The following LRRK2 variants were observed in gnomAD, a reference collection of about 807,000 sequenced individuals.
LRRK2 encodes the protein leucine rich repeat kinase 2.
Under a neutral mutation model 302.6 loss-of-function variants are expected in LRRK2, and 203 were observed. That is an observed-to-expected ratio of 0.67 (90% CI 0.60 to 0.75). The LOEUF (loss-of-function observed/expected upper bound fraction) is 0.75. Ranked by LOEUF, LRRK2 falls within the 30% of genes least tolerant of loss-of-function variation. The pLI is 0.00. For missense variants in LRRK2, 2,830 were observed against 2,951.0 expected (o/e 0.96, Z 0.95); for synonymous variants, 1,066 against 1,031.9 (o/e 1.03, Z -0.63).
At chr12:40,241,530 G>A (rs1040683013) in intron 6 of LRRK2, among the ~76,000 whole-genome samples, 13 of 152,082 alleles carry the variant, frequency 8.5e-5, no homozygotes, top group African/African-American at 3.1e-4. Context: ...TGTATTTTAT[G>A]TATTACTTGT....
intron 49 of LRRK2, chr12:40,365,337 G>A (rs1946844089): frequency 6.3e-6 from 2 of 315,642 alleles, no homozygotes; most frequent in Non-Finnish European, 1.2e-5. Context: ...GGAAATACAT[G>A]GTATTGAATA....
At chr12:40,231,793 T>TTATA (rs199832313) in intron 2 of LRRK2, among the ~76,000 whole-genome samples, 7 of 146,576 alleles carry the variant, frequency 4.8e-5, no homozygotes, top group Admixed American at 1.4e-4. Flanking sequence ...ATAAATTAAA[T>TTATA]TATATATATA....
chr12:40,235,803 T>TG (rs1486533914), intron 4 of LRRK2, 89 bp downstream of exon 4: 2 of 775,278 alleles, frequency 2.6e-6, no homozygotes, highest in Admixed American at 2.4e-5. Flanking sequence ...GTTTTTTTTT[T>TG]TTTTTTTTTG....
At chr12:40,241,783 G>C (rs1160050681) in intron 6 of LRRK2, among the ~76,000 whole-genome samples, 1 of 152,178 alleles carries the variant, frequency 6.6e-6, no homozygotes, top group African/African-American at 2.4e-5. Context: ...TTCGGTGTAG[G>C]CAGAGTAAAA....
In LRRK2 at chr12:40,328,388, A is replaced by T. The variant is rs761749465; in HGVS notation, c.5685A>T (p.Arg1895=). The part of the protein sequence containing the change: ...LGDGSFGSVY[R]AAYEGEEVAV... The stretch of plus-strand genomic sequence containing the variant: ...ATGGCAGTTTTGGATCAGTTTACCG[A>T]GCAGCCTATGAAGGAGAAGAAGTGG... Residue 1895 remains arginine (R), a synonymous_variant, in exon 39 of 51, where the codon CGA becomes CGT. Transcript: ENST00000298910. 1 of 1,613,860 alleles carries T rather than the reference A, an allele frequency of 6.2e-7. No individual in the cohort carries two copies. Among genetic ancestry groups the T allele is most frequent in the South Asian group, 1.1e-5 (1 of 91,060 alleles).
intron 14 of LRRK2, 50 bp from the exon 15 acceptor site, chr12:40,274,533 G>A (rs1447998019): frequency 6.3e-7 from 1 of 1,586,172 alleles, no homozygotes; most frequent in Non-Finnish European, 8.6e-7. Flanking sequence ...TCTTAACTAA[G>A]GTAAGTATTA....
chr12:40,350,299 C>T (rs2136988723), intron 43 of LRRK2, among the ~76,000 whole-genome samples: 2 of 152,310 alleles, frequency 1.3e-5, no homozygotes, highest in African/African-American at 4.8e-5. Flanking sequence ...CTCACTTTGT[C>T]TTGGCAGACA....
intron 25 of LRRK2, chr12:40,300,831 T>C (rs1158850891): frequency 4.2e-6 from 2 of 471,084 alleles, no homozygotes; most frequent in African/African-American, 4.0e-5. Context: ...TGCTCTGTGG[T>C]ACCTCAGGGG....
At chr12:40,232,456 C>T (rs1443606508) in intron 3 of LRRK2, 73 bp downstream of exon 3, 2 of 1,087,184 alleles carry the variant, frequency 1.8e-6, no homozygotes, top group South Asian at 2.5e-5. Context: ...TCCCTTGATA[C>T]ACTGTGTTTG....
At chr12:40,234,308 A>G (rs1941337156) in intron 3 of LRRK2, among the ~76,000 whole-genome samples, 1 of 151,850 alleles carries the variant, frequency 6.6e-6, no homozygotes, top group Non-Finnish European at 1.5e-5. Context: ...TTTGGGATTA[A>G]TAACATAGGG....
Position 40,277,960 on chromosome 12 carries a change from G to A in LRRK2, c.2014G>A (p.Asp672Asn), listed in dbSNP as rs1298075542. ...TAAGCTGCTGGTGCATCATTCATTT[G>A]ACTTAGTAATATTCCATCAAATGTC... ...FSKLLVHHSF[D>N]LVIFHQMSSN... Residue 672 changes from aspartate (D) to asparagine (N), a missense_variant, in exon 17 of 51, where the codon GAC (aspartate) becomes AAC (asparagine). Asp to Asn is a conservative substitution (Grantham distance 23). Around this residue, in one of 3 missense-constraint regions of LRRK2, gnomAD observed 2,121 missense variants for 2,148.0 expected, o/e 0.99. Transcript: ENST00000298910. 6.2e-7 allele frequency: 1 copy of A among 1,613,218 alleles called. No individual in the cohort carries two copies. The highest frequency in any genetic ancestry group is 1.1e-5 in the South Asian group (1 of 91,036).
intron 5 of LRRK2, 119 bp downstream of exon 5, chr12:40,238,222 G>A: frequency 9.6e-7 from 1 of 1,038,456 alleles, no homozygotes; most frequent in Non-Finnish European, 1.4e-6. Context: ...TTATTAAGAA[G>A]TGGGAGTTGT....
chr12:40,261,131 C>T (rs777643415), intron 13 of LRRK2, among the ~76,000 whole-genome samples: 11 of 151,948 alleles, frequency 7.2e-5, no homozygotes, highest in East Asian at 1.9e-4. Flanking sequence ...AGTTTTGAGA[C>T]GTAATGTAAC....
chr12:40,320,011 T>C lies in LRRK2; in HGVS notation c.4851T>C (p.Gly1617=). ...AGATTTTGACAGTGAAAGTGGAAGG[T>C]TGTCCAAAACACCCTAAGGGCATTA... The part of the protein sequence containing the change: ...MAQILTVKVE[G]CPKHPKGIIS... The change falls in exon 34 of 51, where the codon GGT becomes GGC. Residue 1617 remains glycine, a synonymous_variant. Transcript: ENST00000298910. 6.2e-7 allele frequency: 1 copy of C among 1,610,140 alleles called. No individual in the cohort carries two copies. Among genetic ancestry groups the C allele is most frequent in the Non-Finnish European group, 8.5e-7 (1 of 1,177,956 alleles).
At chr12:40,359,841 G>T (rs376390134) in intron 47 of LRRK2, among the ~76,000 whole-genome samples, 10 of 152,222 alleles carry the variant, frequency 6.6e-5, no homozygotes, top group African/African-American at 2.2e-4. Flanking sequence ...ATTGATTGTA[G>T]GAAAGATAGA....
intron 1 of LRRK2, 70 bp from the exon 2 acceptor site, chr12:40,225,485 C>A: frequency 7.0e-7 from 1 of 1,421,148 alleles, no homozygotes; most frequent in Non-Finnish European, 9.9e-7. Context: ...CTCCCCGTTT[C>A]AGACTAAAAA....
chr12:40,322,422 G>C lies in LRRK2; in HGVS notation c.5421G>C (p.Leu1807=), dbSNP rs1010857088. The change falls in exon 37 of 51, where the codon CTG becomes CTC. Residue 1807 remains leucine (L), a synonymous_variant. Coordinates refer to ENST00000298910, the MANE Select transcript of LRRK2 (RefSeq NM_198578.4). The stretch of plus-strand genomic sequence containing the variant: ...ATATTTGTGGTGAAGGAGAAACTCT[G>C]TTGAAGAAATGGGCATTATATAGTT... ...EIDICGEGET[L]LKKWALYSFN... The C allele has an allele frequency of 5.6e-6, 9 of 1,613,368 alleles. No homozygotes were observed. Among genetic ancestry groups the C allele is most frequent in the African/African-American group, 1.3e-5 (1 of 74,972 alleles).
At chr12:40,307,759 G>T (rs1211107280) in intron 28 of LRRK2, among the ~76,000 whole-genome samples, 3 of 147,564 alleles carry the variant, frequency 2.0e-5, no homozygotes, top group Non-Finnish European at 4.5e-5. Context: ...TAATTTATAG[G>T]GTTTTTCTTT....
Position 40,322,501 on chromosome 12 carries a change from G to T in LRRK2, c.5500G>T (p.Ala1834Ser). Residue 1834 changes from alanine to serine, a missense_variant, in exon 37 of 51, where the codon GCA (alanine) becomes TCA (serine). Physicochemically the swap from Ala to Ser is moderately conservative, Grantham distance 99. Around this residue, in one of 3 missense-constraint regions of LRRK2, gnomAD observed 2,121 missense variants for 2,148.0 expected, o/e 0.99. Coordinates refer to ENST00000298910, the MANE Select transcript of LRRK2 (RefSeq NM_198578.4). ...KILLDDLMKK[A>S]EEGDLLVNPD... ...CTTACTTGATGACTTGATGAAGAAAGCAGAGGAAGGTATGTTTTGATACAA... is the reference window on the plus strand; with the variant it reads ...CTTACTTGATGACTTGATGAAGAAATCAGAGGAAGGTATGTTTTGATACAA... 6.2e-7 allele frequency: 1 copy of T among 1,612,842 alleles called. No homozygotes were observed.
Sources: allele counts gnomAD v4.1 joint callset (sites outside exome capture counted in the v4.1 genomes callset), GRCh38; gene constraint gnomAD v4.1.1; regional missense constraint gnomAD v4.1.1; transcripts MANE v1.5; gene names NCBI Gene and HGNC (gene_info 2026-07-23, HGNC 2026-07-21).